The following PLA2G5 variants were observed in gnomAD, a reference collection of about 807,000 sequenced individuals.
PLA2G5 encodes Ca2+-dependent phospholipase A2.
PLA2G5 carries 12 observed loss-of-function variants against 15.9 expected under a neutral mutation model. That is an observed-to-expected ratio of 0.76 (90% CI 0.48 to 1.23). PLA2G5 has a LOEUF of 1.23. Among genes scored for constraint, PLA2G5 ranks in the 50% most tolerant of loss-of-function variants. The pLI is 0.00. For synonymous variants in PLA2G5, 71 were observed against 71.4 expected, an observed-to-expected ratio of 0.99 and a Z score of 0.03; for missense variants, 169 against 177.1, an observed-to-expected ratio of 0.95 and a Z score of 0.26.
At chr1:20,041,337 C>A (rs553156874) in intron 1 of PLA2G5, among the ~76,000 whole-genome samples, 2 of 152,264 alleles carry the variant, frequency 1.3e-5, no homozygotes, top group Non-Finnish European at 2.9e-5. Context: ...AGAAATAAAG[C>A]TTTTTAATCA....
intron 1 of PLA2G5, 129 bp from the exon 2 acceptor site, chr1:20,084,692 A>G (rs577681039): frequency 8.3e-6 from 6 of 719,986 alleles, no homozygotes; most frequent in Admixed American, 4.0e-5. Flanking sequence ...GGCTGGACTC[A>G]TCTTGTTTAT....
upstream of PLA2G5, among the ~76,000 whole-genome samples, chr1:20,066,780 G>A (rs1266360237): frequency 6.6e-6 from 1 of 152,128 alleles, no homozygotes; most frequent in Non-Finnish European, 1.5e-5. Context: ...GCAGAGGCAG[G>A]AGGACTGCTT....
intron 1 of PLA2G5, among the ~76,000 whole-genome samples, chr1:20,075,181 C>T (rs1487008329): frequency 1.3e-5 from 2 of 152,208 alleles, no homozygotes; most frequent in African/African-American, 4.8e-5. Flanking sequence ...GGCCTATTCA[C>T]TCTCTTCTTA....
chr1:20,035,716 C>T (rs1040979107), intron 1 of PLA2G5, among the ~76,000 whole-genome samples: 1 of 152,202 alleles, frequency 6.6e-6, no homozygotes. Context: ...GTCATTTAAA[C>T]ATTCAATGTG....
chr1:20,077,821 T>C lies in PLA2G5; in HGVS notation c.-10-7000T>C, dbSNP rs1248747875. On this transcript the variant is annotated intron_variant, in intron 1 of 4. Transcript: ENST00000375108. ...TCTCTCCTACGTTGGATCTTGGATC[T>C]GACATTGTGCTTTCTCCTGGTTGCT... is the stretch of plus-strand genomic sequence containing the variant. Among the ~76,000 whole-genome samples, 7 of 152,224 alleles carry C rather than the reference T, an allele frequency of 4.6e-5. No homozygotes were observed. The East Asian group carries it at 1.2e-3, about 25-fold the overall frequency.
At chr1:20,089,750 AC>A (rs1569847485) in intron 3 of PLA2G5, 38 bp from the exon 4 acceptor site, 1 of 1,523,258 alleles carries the variant, frequency 6.6e-7, no homozygotes, top group Middle Eastern at 1.7e-4. Context: ...TCAGGAGGGC[AC>A]CCCTCCCACT....
At chr1:20,028,970 C>G (rs1264729823) in intron 1 of PLA2G5, among the ~76,000 whole-genome samples, 4 of 152,206 alleles carry the variant, frequency 2.6e-5, no homozygotes, top group Non-Finnish European at 5.9e-5. Flanking sequence ...TGAGTGTTTA[C>G]AGCTGAGGCC....
At chr1:20,084,357 C>T (rs546919200) in intron 1 of PLA2G5, among the ~76,000 whole-genome samples, 67 of 152,326 alleles carry the variant, frequency 4.4e-4, no homozygotes, top group African/African-American at 1.4e-3. Context: ...GTAGAATCAC[C>T]GGCTTTCCTT....
intron 1 of PLA2G5, among the ~76,000 whole-genome samples, chr1:20,082,010 C>A (rs1170494196): frequency 1.3e-5 from 2 of 151,642 alleles, no homozygotes; most frequent in Non-Finnish European, 2.9e-5. Context: ...CGAGATGGTG[C>A]CACTGCACTC....
chr1:20,084,710 C>G, intron 1 of PLA2G5, 111 bp from the exon 2 acceptor site: 1 of 762,356 alleles, frequency 1.3e-6, no homozygotes, highest in South Asian at 1.5e-5. Context: ...TATTGCCCAC[C>G]ATGACGGGGA....
intron 1 of PLA2G5, among the ~76,000 whole-genome samples, chr1:20,077,700 T>A (rs2015766064): frequency 6.6e-6 from 1 of 152,186 alleles, no homozygotes. Flanking sequence ...TCTATGATTA[T>A]CCTATTTTAC....
At chr1:20,040,116 A>G (rs1191747729) in intron 1 of PLA2G5, among the ~76,000 whole-genome samples, 2 of 152,168 alleles carry the variant, frequency 1.3e-5, no homozygotes, top group Admixed American at 1.3e-4. Flanking sequence ...TGTCCTTCCT[A>G]CACTGTTCAA....
At chr1:20,039,501 G>A (rs1173132648) in intron 1 of PLA2G5, among the ~76,000 whole-genome samples, 1 of 152,314 alleles carries the variant, frequency 6.6e-6, no homozygotes, top group East Asian at 1.9e-4. Flanking sequence ...AAGAATCAAT[G>A]TCAGTAAAAC....
intron 1 of PLA2G5, among the ~76,000 whole-genome samples, chr1:20,049,615 A>G (rs1318912859): frequency 6.6e-6 from 1 of 152,166 alleles, no homozygotes; most frequent in African/African-American, 2.4e-5. Context: ...TGATGGTTTT[A>G]TAAAGGGGAG....
intron 1 of PLA2G5, among the ~76,000 whole-genome samples, chr1:20,040,455 GT>G (rs2013525140): frequency 6.6e-6 from 1 of 152,008 alleles, no homozygotes; most frequent in South Asian, 2.1e-4. Context: ...TTAGCCACTT[GT>G]TTTCTGAGAT....
At chr1:20,065,618 T>C (rs746044842), upstream of PLA2G5, among the ~76,000 whole-genome samples, 6 of 152,254 alleles carry the variant, frequency 3.9e-5, no homozygotes, top group Non-Finnish European at 7.3e-5. Flanking sequence ...TTATTTCTTA[T>C]ACTATTGCTA....
rs552731565 is a variant in PLA2G5, at chr1:20,086,236, A to C, written c.185+9A>C. On this transcript the variant is annotated intron_variant, in intron 3 of 4. Transcript: ENST00000375108. The stretch of plus-strand genomic sequence containing the variant: ...AAGGATGGCACCGATTGGTGAGCTG[A>C]TCGCTATAACTGCCCTTTAGGCTCC... 2 of 1,614,028 alleles carry C rather than the reference A, an allele frequency of 1.2e-6. No individual in the cohort carries two copies. The highest frequency in any genetic ancestry group is 2.2e-5 in the South Asian group (2 of 91,076).
rs183088076 is a variant in PLA2G5 at position 20,090,618 on chromosome 1, G to A, written c.343G>A (p.Val115Ile). Residue 115 changes from valine to isoleucine, a missense_variant, in exon 5 of 5, where the codon GTC becomes ATC. Coordinates refer to ENST00000375108, the MANE Select transcript of PLA2G5 (RefSeq NM_000929.3). ...CCTCTGTGCCTGTGACCGGAAGCTC[G>A]TCTACTGCCTCAAGAGAAACCTACG... ...VNLCACDRKL[V>I]YCLKRNLRSY... The A allele has an allele frequency of 9.3e-6, 15 of 1,613,972 alleles. No homozygotes were observed. The highest frequency in any genetic ancestry group is 8.0e-5 in the African/African-American group (6 of 74,996).
intron 1 of PLA2G5, among the ~76,000 whole-genome samples, chr1:20,072,006 G>A (rs2015400223): frequency 1.3e-5 from 2 of 152,186 alleles, no homozygotes; most frequent in Admixed American, 6.5e-5. Context: ...TACTCAGGAG[G>A]CTGAGGCAGG....
Sources: gnomAD v4.1 joint callset for allele counts (sites outside exome capture counted in the v4.1 genomes callset) on GRCh38, gnomAD v4.1.1 for gene constraint, MANE v1.5 for transcripts, NCBI Gene and HGNC (gene_info 2026-07-23, HGNC 2026-07-21) for gene names.